The following CADPS2 variants were observed in gnomAD, a reference collection of about 807,000 sequenced individuals.
The protein encoded by CADPS2 is calcium-dependent secretion activator 2.
Under a neutral mutation model 172.5 loss-of-function variants are expected in CADPS2, and 93 were observed. That is an observed-to-expected ratio of 0.54 (90% CI 0.46 to 0.64). CADPS2 has a LOEUF of 0.64. Among genes scored for constraint, CADPS2 ranks in the 30% least tolerant of loss-of-function variants. The pLI is 0.00. For synonymous variants in CADPS2, 546 were observed against 555.2 expected (o/e 0.98, Z 0.23); for missense variants, 1,420 against 1,565.9 (o/e 0.91, Z 1.57).
chr7:122,785,168 A>C (rs1051714085), intron 1 of CADPS2, among the ~76,000 whole-genome samples: 1 of 152,142 alleles, frequency 6.6e-6, no homozygotes, highest in Non-Finnish European at 1.5e-5. Flanking sequence ...CTACAGTTGA[A>C]TCTCCCTAGG....
intron 27 of CADPS2, among the ~76,000 whole-genome samples, chr7:122,350,089 T>G (rs1354291548): frequency 6.6e-6 from 1 of 152,214 alleles, no homozygotes; most frequent in Non-Finnish European, 1.5e-5. Flanking sequence ...AAAGCTTGCC[T>G]TGAAGAAACA....
At chr7:122,423,160 T>G (rs1360073991) in intron 17 of CADPS2, among the ~76,000 whole-genome samples, 1 of 152,078 alleles carries the variant, frequency 6.6e-6, no homozygotes, top group Non-Finnish European at 1.5e-5. Flanking sequence ...TTTCTGACCC[T>G]TCCTCCAGCT....
At chr7:122,830,481 A>G (rs1227092291) in intron 1 of CADPS2, among the ~76,000 whole-genome samples, 1 of 152,236 alleles carries the variant, frequency 6.6e-6, no homozygotes, top group Non-Finnish European at 1.5e-5. Context: ...ACATGCAACA[A>G]TTTTAAAATA....
intron 29 of CADPS2, among the ~76,000 whole-genome samples, chr7:122,322,065 T>G (rs2032670354): frequency 6.6e-6 from 1 of 152,218 alleles, no homozygotes; most frequent in African/African-American, 2.4e-5. Context: ...TTTGTCTAGA[T>G]AATCTGGAAA....
At chr7:122,531,334 C>A (rs1483266276) in intron 8 of CADPS2, among the ~76,000 whole-genome samples, 2 of 152,122 alleles carry the variant, frequency 1.3e-5, no homozygotes, top group East Asian at 1.9e-4. Flanking sequence ...ATGTGAGAAT[C>A]CCCCCAGGAG....
intron 20 of CADPS2, among the ~76,000 whole-genome samples, chr7:122,394,384 T>C (rs2044783349): frequency 6.6e-6 from 1 of 152,106 alleles, no homozygotes. Context: ...AAATAGAGAA[T>C]CTATATGAAA....
intron 6 of CADPS2, among the ~76,000 whole-genome samples, chr7:122,598,619 T>G (rs2072265045): frequency 6.6e-6 from 1 of 152,088 alleles, no homozygotes; most frequent in Admixed American, 6.6e-5. Context: ...CTCATTTAAC[T>G]TTCTCATGTA....
intron 6 of CADPS2, among the ~76,000 whole-genome samples, chr7:122,607,115 C>T (rs760138835): frequency 5.3e-5 from 8 of 152,016 alleles, no homozygotes; most frequent in Non-Finnish European, 8.8e-5. Context: ...ATGTTGTAGA[C>T]AGATTAGACG....
chr7:122,596,130 G>A (rs1305668080), intron 6 of CADPS2, among the ~76,000 whole-genome samples: 1 of 152,022 alleles, frequency 6.6e-6, no homozygotes, highest in Non-Finnish European at 1.5e-5. Flanking sequence ...CTCAGGGAAG[G>A]GAGCCCCACC....
At chr7:122,446,925 T>C (rs2052299587) in intron 15 of CADPS2, among the ~76,000 whole-genome samples, 1 of 152,158 alleles carries the variant, frequency 6.6e-6, no homozygotes, top group Non-Finnish European at 1.5e-5. Flanking sequence ...TTATGTTTAA[T>C]GTCTTGAAAA....
Position 122,387,045 on chromosome 7 carries a change from G to A in CADPS2, c.3293C>T (p.Ala1098Val). 1.3e-6 allele frequency: 2 copies of A among 1,558,372 alleles called. No homozygotes were observed. The highest frequency in any genetic ancestry group is 1.7e-6 in the Non-Finnish European group (2 of 1,149,604). The change falls in exon 24 of 30, where the codon GCC (alanine) becomes GTC (valine). Residue 1098 changes from alanine to valine, a missense_variant. By Grantham distance (64) the Ala-to-Val change is moderately conservative (BLOSUM62 0). Transcript: ENST00000449022. ...ACATACCTCTTGTCCTCCATCCAGG[G>A]CACAGAGTTTGGTGCTTTGCTTTTT... ...DAKKQSTKLC[A>V]LDGGQEQQYH...
intron 7 of CADPS2, among the ~76,000 whole-genome samples, chr7:122,576,025 C>A (rs1000976052): frequency 2.0e-5 from 3 of 152,130 alleles, no homozygotes; most frequent in African/African-American, 7.2e-5. Flanking sequence ...CAAGTTTGTT[C>A]ATCAATGCCT....
intron 17 of CADPS2, 38 bp from the exon 18 acceptor site, chr7:122,416,202 A>G (rs1227219677): frequency 8.1e-7 from 1 of 1,235,068 alleles, no homozygotes; most frequent in East Asian, 2.6e-5. Flanking sequence ...TACCTTGAAA[A>G]TAAAAAGCCA....
At chr7:122,630,388 A>G (rs2076464783) in intron 3 of CADPS2, among the ~76,000 whole-genome samples, 1 of 152,102 alleles carries the variant, frequency 6.6e-6, no homozygotes, top group Admixed American at 6.6e-5. Context: ...AAAAAAAAAA[A>G]AAGAGGAAGA....
At chr7:122,457,440 G>A (rs1262537321) in intron 14 of CADPS2, among the ~76,000 whole-genome samples, 1 of 152,154 alleles carries the variant, frequency 6.6e-6, no homozygotes, top group African/African-American at 2.4e-5. Flanking sequence ...GAGTAAAGAT[G>A]AATTAATGGC....
intron 3 of CADPS2, among the ~76,000 whole-genome samples, chr7:122,643,673 G>T (rs187650460): frequency 6.6e-6 from 1 of 152,132 alleles, no homozygotes; most frequent in East Asian, 1.9e-4. Flanking sequence ...AAATTTCTGA[G>T]GGGGCAGAGG....
intron 28 of CADPS2, among the ~76,000 whole-genome samples, chr7:122,333,359 T>C (rs901297946): frequency 6.6e-6 from 1 of 152,198 alleles, no homozygotes; most frequent in Non-Finnish European, 1.5e-5. Flanking sequence ...AGTTTCCTTA[T>C]AAAAATGGGA....
At chr7:122,776,645 G>A (rs995089715) in intron 1 of CADPS2, among the ~76,000 whole-genome samples, 3 of 152,056 alleles carry the variant, frequency 2.0e-5, no homozygotes, top group African/African-American at 7.2e-5. Flanking sequence ...TAGAGACTTA[G>A]AGTGCTCAGA....
In CADPS2 at chr7:122,645,248, TGTACATGTGTGTATAC is replaced by T. The variant is rs1455379409; in HGVS notation, c.787-15936_787-15921del. On this transcript the variant is annotated intron_variant, in intron 3 of 29. Transcript: ENST00000449022. The stretch of plus-strand genomic sequence containing the variant: ...TACGCTAAGTATATATATACACACA[TGTACATGTGTGTATAC>T]ATGTACATATATACACACATATGTA... Among the ~76,000 whole-genome samples the T allele has an allele frequency of 1.2e-4, 13 of 106,702 alleles. No homozygotes were observed. In the East Asian group the frequency reaches 4.1e-3, roughly 34 times the overall value. The allele number at this position is 106,702 out of a possible 152,430, so 70.0% of individuals were successfully genotyped here.
Sources: allele counts gnomAD v4.1 joint callset (sites outside exome capture counted in the v4.1 genomes callset), GRCh38; gene constraint gnomAD v4.1.1; transcripts MANE v1.5; gene names NCBI Gene and HGNC (gene_info 2026-07-23, HGNC 2026-07-21).